ITGBL1: variants seen among roughly 807,000 people sequenced by gnomAD.
The protein encoded by ITGBL1 is integrin subunit beta like 1, also known as integrin beta-like protein 1.
In ITGBL1, 51 loss-of-function variants were observed where a neutral mutation model predicts 68.5. The observed-to-expected ratio is 0.74, with a 90% CI of 0.59 to 0.94. The LOEUF (loss-of-function observed/expected upper bound fraction) is 0.94. Among genes scored for constraint, ITGBL1 ranks in the 40% least tolerant of loss-of-function variants. ITGBL1 has a pLI of 0.00. For missense variants in ITGBL1, 649 were observed against 647.4 expected, an observed-to-expected ratio of 1.00 and a Z score of -0.03; for synonymous variants, 209 against 227.3, an observed-to-expected ratio of 0.92 and a Z score of 0.72.
intron 2 of ITGBL1, among the ~76,000 whole-genome samples, chr13:101,541,997 A>G (rs2049714518): frequency 6.6e-6 from 1 of 152,092 alleles, no homozygotes; most frequent in African/African-American, 2.4e-5. Context: ...TGATCTTTTC[A>G]AGAAACCAGC....
At chr13:101,652,353 T>C (rs1384580322) in intron 7 of ITGBL1, among the ~76,000 whole-genome samples, 2 of 152,256 alleles carry the variant, frequency 1.3e-5, no homozygotes, top group Admixed American at 6.5e-5. Context: ...TGTGACCTTA[T>C]GTAAGTTACC....
At chr13:101,655,321 G>A (rs1566777779) in intron 7 of ITGBL1, among the ~76,000 whole-genome samples, 1 of 152,156 alleles carries the variant, frequency 6.6e-6, no homozygotes, top group Non-Finnish European at 1.5e-5. Context: ...TGGACATATT[G>A]CAAAAAGCAG....
At chr13:101,492,706 A>G (rs1399207621) in intron 2 of ITGBL1, among the ~76,000 whole-genome samples, 1 of 152,164 alleles carries the variant, frequency 6.6e-6, no homozygotes, top group African/African-American at 2.4e-5. Context: ...CCTCCTTGGA[A>G]TTCCATTATG....
intron 8 of ITGBL1, among the ~76,000 whole-genome samples, chr13:101,695,192 G>C (rs2033974742): frequency 6.6e-6 from 1 of 152,178 alleles, no homozygotes; most frequent in Admixed American, 6.5e-5. Flanking sequence ...ATGTAATGCA[G>C]ACTATGTGCT....
At chr13:101,586,608 A>G (rs1337083425) in intron 6 of ITGBL1, among the ~76,000 whole-genome samples, 2 of 152,252 alleles carry the variant, frequency 1.3e-5, no homozygotes, top group Admixed American at 1.3e-4. Flanking sequence ...ACACTGCCAT[A>G]AAAGTGTCAT....
At chr13:101,494,843 C>T (rs2048833196) in intron 2 of ITGBL1, among the ~76,000 whole-genome samples, 1 of 152,078 alleles carries the variant, frequency 6.6e-6, no homozygotes. Context: ...CTATGAAATA[C>T]TTAGTGTTAG....
intron 2 of ITGBL1, among the ~76,000 whole-genome samples, chr13:101,529,632 G>C (rs1257417570): frequency 6.6e-6 from 1 of 152,186 alleles, no homozygotes; most frequent in Non-Finnish European, 1.5e-5. Context: ...TGTTGAGGGA[G>C]AAACCCAGTG....
intron 9 of ITGBL1, chr13:101,712,387 G>A (rs1189050306): frequency 6.6e-6 from 1 of 152,146 alleles, no homozygotes; most frequent in Non-Finnish European, 1.5e-5. Context: ...AGCTTTAGCT[G>A]AGCTTACCAG....
chr13:101,457,076 A>G (rs1396420167), intron 2 of ITGBL1, among the ~76,000 whole-genome samples: 1 of 152,200 alleles, frequency 6.6e-6, no homozygotes, highest in African/African-American at 2.4e-5. Context: ...GAGCTGTTGT[A>G]AGGTTTAACA....
At chr13:101,708,609 G>T (rs1352994313) in intron 9 of ITGBL1, among the ~76,000 whole-genome samples, 1 of 152,164 alleles carries the variant, frequency 6.6e-6, no homozygotes, top group Non-Finnish European at 1.5e-5. Flanking sequence ...GTTTTGCCTC[G>T]TATGCAAGAC....
chr13:101,514,398 C>A (rs1445907673), intron 2 of ITGBL1, among the ~76,000 whole-genome samples: 1 of 152,018 alleles, frequency 6.6e-6, no homozygotes, highest in African/African-American at 2.4e-5. Flanking sequence ...TTTAGAAGTG[C>A]ATAAACACTT....
At chr13:101,643,284 C>CT (rs1447520989) in intron 7 of ITGBL1, among the ~76,000 whole-genome samples, 4 of 149,412 alleles carry the variant, frequency 2.7e-5, no homozygotes, top group Non-Finnish European at 5.9e-5. Context: ...CTTCACGTCC[C>CT]TTGTAAGTTG....
chr13:101,611,519 A>G (rs999886431), intron 7 of ITGBL1, among the ~76,000 whole-genome samples: 13 of 152,164 alleles, frequency 8.5e-5, no homozygotes, highest in African/African-American at 3.1e-4. Context: ...GATTACTATT[A>G]TCTAGATATT....
At chr13:101,617,362 G>A (rs1055442871) in intron 7 of ITGBL1, among the ~76,000 whole-genome samples, 3 of 151,984 alleles carry the variant, frequency 2.0e-5, no homozygotes, top group Non-Finnish European at 4.4e-5. Flanking sequence ...AGAAGTTCAA[G>A]CAGAGAAAAG....
At chr13:101,695,627 A>T (rs2033984731) in intron 8 of ITGBL1, among the ~76,000 whole-genome samples, 1 of 152,116 alleles carries the variant, frequency 6.6e-6, no homozygotes, top group Non-Finnish European at 1.5e-5. Flanking sequence ...GTGAGAGATG[A>T]AGGTGCCTTA....
chr13:101,553,212 T>G (rs1275062628), intron 2 of ITGBL1, among the ~76,000 whole-genome samples: 3 of 152,214 alleles, frequency 2.0e-5, no homozygotes, highest in African/African-American at 7.2e-5. Context: ...TCCTACTGCC[T>G]TTAGACACAT....
chr13:101,535,438 C>G (rs140349116), intron 2 of ITGBL1, among the ~76,000 whole-genome samples: 1 of 152,120 alleles, frequency 6.6e-6, no homozygotes, highest in East Asian at 1.9e-4. Flanking sequence ...GCAGAGACAT[C>G]CTGGTCAAAT....
chr13:101,504,110 G>A (rs192707918), intron 2 of ITGBL1, among the ~76,000 whole-genome samples: 18 of 152,320 alleles, frequency 1.2e-4, no homozygotes, highest in African/African-American at 4.3e-4. Context: ...TTTGCTAAAT[G>A]TTGGAATAAT....
intron 2 of ITGBL1, among the ~76,000 whole-genome samples, chr13:101,499,761 A>G (rs1052041718): frequency 6.6e-6 from 1 of 152,256 alleles, no homozygotes; most frequent in African/African-American, 2.4e-5. Flanking sequence ...TTAAAAAAGG[A>G]GAGAGATTTC....
Sources: allele counts gnomAD v4.1 joint callset (sites outside exome capture counted in the v4.1 genomes callset), GRCh38; gene constraint gnomAD v4.1.1; transcripts MANE v1.5; gene names NCBI Gene and HGNC (gene_info 2026-07-23, HGNC 2026-07-21).